DCLK2: variants seen among roughly 807,000 people sequenced by gnomAD.
The protein encoded by DCLK2 is doublecortin like kinase 2.
In DCLK2, 31 loss-of-function variants were observed where a neutral mutation model predicts 78.4. The observed-to-expected ratio is 0.40, with a 90% CI of 0.30 to 0.53. DCLK2 has a LOEUF of 0.53. DCLK2 is among the 20% of genes least tolerant of loss of function. DCLK2 has a pLI of 0.61. For synonymous variants in DCLK2, 407 were observed against 374.9 expected (o/e 1.09, Z -0.99); for missense variants, 872 against 973.7 (o/e 0.90, Z 1.39).
intron 2 of DCLK2, among the ~76,000 whole-genome samples, chr4:150,141,049 G>A (rs893580643): frequency 6.6e-6 from 1 of 152,192 alleles, no homozygotes; most frequent in Non-Finnish European, 1.5e-5. Context: ...TGAAACCAAA[G>A]TGGCAACTGT....
intron 2 of DCLK2, among the ~76,000 whole-genome samples, chr4:150,148,358 C>G (rs1461848108): frequency 2.0e-5 from 3 of 148,058 alleles, no homozygotes; most frequent in African/African-American, 7.5e-5. Context: ...CAGCAAGACC[C>G]TGTCTCAAAA....
At chr4:150,197,366 A>G (rs1275513305) in intron 3 of DCLK2, among the ~76,000 whole-genome samples, 4 of 152,190 alleles carry the variant, frequency 2.6e-5, no homozygotes, top group African/African-American at 9.7e-5. Context: ...GCACATGTAT[A>G]GATTAGCTGT....
intron 2 of DCLK2, among the ~76,000 whole-genome samples, chr4:150,148,803 C>T (rs949006927): frequency 4.6e-5 from 7 of 151,486 alleles, no homozygotes; most frequent in South Asian, 2.1e-4. Context: ...GAGGGCAAGG[C>T]GGGCAGATCA....
chr4:150,145,071 AG>A (rs1316898196), intron 2 of DCLK2, among the ~76,000 whole-genome samples: 2 of 152,138 alleles, frequency 1.3e-5, no homozygotes, highest in Non-Finnish European at 2.9e-5. Flanking sequence ...CTCCCTGTAG[AG>A]ATCTTTCCTC....
At chr4:150,229,870 CATATT>C (rs1741909802) in intron 8 of DCLK2, among the ~76,000 whole-genome samples, 1 of 152,072 alleles carries the variant, frequency 6.6e-6, no homozygotes, top group African/African-American at 2.4e-5. Context: ...AAGAGATATT[CATATT>C]ATATTTAGAA....
At chr4:150,094,509 C>T (rs9784426) in intron 1 of DCLK2, among the ~76,000 whole-genome samples, 21,989 of 152,210 alleles carry the variant, frequency 0.14, 1,987 homozygotes, top group Non-Finnish European at 0.21. Flanking sequence ...GTGTCTTCAT[C>T]TCCTGCTAGT....
rs547956687 is a variant in DCLK2 at position 150,149,129 on chromosome 4, G to A, written c.757-44009G>A. 1.6e-3 allele frequency among the ~76,000 whole-genome samples: 240 copies of A among 151,326 alleles called. 2 individuals carry two copies. The highest frequency in any genetic ancestry group is 5.4e-3 in the African/African-American group (223 of 41,234). On this transcript the variant is annotated intron_variant, in intron 2 of 15. Transcript: ENST00000296550. ...AGAAAGAAAGAAATGGAGACCATAA[G>A]ATACCTGTGAACCAATCTGAGGACA...
chr4:150,121,978 G>T (rs1229546287), intron 2 of DCLK2, among the ~76,000 whole-genome samples: 1 of 152,194 alleles, frequency 6.6e-6, no homozygotes, highest in Non-Finnish European at 1.5e-5. Flanking sequence ...AGTAAACCAT[G>T]CTGTAAATAG....
At chr4:150,212,308 G>C (rs184830967) in intron 5 of DCLK2, among the ~76,000 whole-genome samples, 14 of 152,316 alleles carry the variant, frequency 9.2e-5, no homozygotes, top group Admixed American at 8.5e-4. Flanking sequence ...GAAAGGGCTG[G>C]TAGTATCTCA....
chr4:150,127,678 T>C (rs974868374), intron 2 of DCLK2, among the ~76,000 whole-genome samples: 1 of 152,232 alleles, frequency 6.6e-6, no homozygotes, highest in African/African-American at 2.4e-5. Context: ...AGGTTTCTTC[T>C]AATGCTGCAC....
At chr4:150,229,181 A>C (rs905130384) in intron 8 of DCLK2, among the ~76,000 whole-genome samples, 1 of 152,056 alleles carries the variant, frequency 6.6e-6, no homozygotes, top group Non-Finnish European at 1.5e-5. Context: ...TTCTGCAAAA[A>C]AATAATTAAC....
At chr4:150,228,741 C>T (rs572655846) in intron 8 of DCLK2, among the ~76,000 whole-genome samples, 1 of 152,328 alleles carries the variant, frequency 6.6e-6, no homozygotes, top group Admixed American at 6.5e-5. Context: ...AAAACTATGG[C>T]TGGGGCCGGG....
chr4:150,165,279 A>G (rs1400294389), intron 2 of DCLK2, among the ~76,000 whole-genome samples: 1 of 152,186 alleles, frequency 6.6e-6, no homozygotes, highest in Non-Finnish European at 1.5e-5. Flanking sequence ...CTTTGAGTAC[A>G]CCAGCACTGT....
chr4:150,173,487 G>A (rs1481748440), intron 2 of DCLK2, among the ~76,000 whole-genome samples: 3 of 152,154 alleles, frequency 2.0e-5, no homozygotes, highest in Non-Finnish European at 4.4e-5. Flanking sequence ...GGAATTCTGA[G>A]GTGTCGTGTG....
At chr4:150,207,732 T>G (rs187538077) in intron 5 of DCLK2, among the ~76,000 whole-genome samples, 87 of 152,330 alleles carry the variant, frequency 5.7e-4, no homozygotes, top group Non-Finnish European at 1.0e-3. Flanking sequence ...TGAGAGACTT[T>G]AGGACAACTG....
chr4:150,238,334 A>G (rs1266832019), intron 10 of DCLK2, among the ~76,000 whole-genome samples: 1 of 152,168 alleles, frequency 6.6e-6, no homozygotes, highest in Non-Finnish European at 1.5e-5. Context: ...TTGCCCTATT[A>G]CCCATTTATG....
intron 1 of DCLK2, among the ~76,000 whole-genome samples, chr4:150,100,556 C>A (rs1350135269): frequency 1.3e-5 from 2 of 152,084 alleles, no homozygotes; most frequent in South Asian, 4.1e-4. Context: ...CCTTCTTTTG[C>A]TAAGATTCTT....
Position 150,232,415 on chromosome 4 carries a change from G to A in DCLK2, c.1378G>A (p.Glu460Lys), listed in dbSNP as rs761586425. 3.1e-6 allele frequency: 5 copies of A among 1,614,156 alleles called. No individual in the cohort carries two copies. The highest frequency in any genetic ancestry group is 3.3e-5 in the Admixed American group (2 of 60,020). The change falls in exon 9 of 16, where the codon GAA becomes AAA. Residue 460 changes from glutamate to lysine, a missense_variant. Coordinates refer to ENST00000296550, the MANE Select transcript of DCLK2 (RefSeq NM_001040260.4). The stretch of plus-strand genomic sequence containing the variant: ...TATCATTATGCTGGTCGAGGAGATG[G>A]AAACAGCAACTGAGCTCTTTCTGGT... ...PNIIMLVEEM[E>K]TATELFLVME... is the part of the protein sequence containing the mutation.
At position 150,240,489 on chromosome 4, in the gene DCLK2, T is replaced by C. The variant is rs1486794237; in HGVS notation, c.1778+13T>C. The C allele has an allele frequency of 6.2e-7, 1 of 1,607,638 alleles. No homozygotes were observed. The highest frequency in any genetic ancestry group is 8.5e-7 in the Non-Finnish European group (1 of 1,175,884). ...CACCATTCCGAAGGTAGGCGGCCTTTTGGGCGACGTATTTGAATTGCAAAT... is the reference window on the plus strand; with the variant it reads ...CACCATTCCGAAGGTAGGCGGCCTTCTGGGCGACGTATTTGAATTGCAAAT... On this transcript the variant is annotated intron_variant, in intron 12 of 15. Coordinates refer to ENST00000296550, the MANE Select transcript of DCLK2 (RefSeq NM_001040260.4).
Sources: gnomAD v4.1 joint callset for allele counts (sites outside exome capture counted in the v4.1 genomes callset) on GRCh38, gnomAD v4.1.1 for gene constraint, MANE v1.5 for transcripts, NCBI Gene and HGNC (gene_info 2026-07-23, HGNC 2026-07-21) for gene names.